The following CACNA2D3 variants were observed in gnomAD, a reference collection of about 807,000 sequenced individuals.
CACNA2D3 encodes calcium voltage-gated channel auxiliary subunit alpha2delta 3.
A neutral mutation model predicts 160.6 loss-of-function variants in CACNA2D3; 60 were observed. The ratio of observed to expected loss-of-function variants is 0.37; its 90% CI spans 0.30 to 0.46. The LOEUF is 0.46. CACNA2D3 is among the 20% of genes least tolerant of loss of function. CACNA2D3 has a pLI of 1.00. For synonymous variants in CACNA2D3, 558 were observed against 492.9 expected (o/e 1.13, Z -1.75); for missense variants, 1,205 against 1,365.0 (o/e 0.88, Z 1.85).
chr3:54,230,819 T>C (rs1196871683), intron 2 of CACNA2D3, among the ~76,000 whole-genome samples: 1 of 152,256 alleles, frequency 6.6e-6, no homozygotes, highest in Non-Finnish European at 1.5e-5. Flanking sequence ...GAATTACAAA[T>C]GCTAATTTGT....
At chr3:54,488,587 AG>A (rs1300680023) in intron 4 of CACNA2D3, among the ~76,000 whole-genome samples, 3 of 152,030 alleles carry the variant, frequency 2.0e-5, no homozygotes, top group Non-Finnish European at 4.4e-5. Context: ...GGCTGCCCTT[AG>A]CCCCTCTGAG....
At chr3:54,175,951 ACTTTAGT>A (rs1199114235) in intron 2 of CACNA2D3, among the ~76,000 whole-genome samples, 1 of 152,180 alleles carries the variant, frequency 6.6e-6, no homozygotes, top group African/African-American at 2.4e-5. Flanking sequence ...GTGTTGGCAG[ACTTTAGT>A]CTTCCTTCCT....
At chr3:54,975,593 C>T (rs1372605771) in intron 29 of CACNA2D3, among the ~76,000 whole-genome samples, 2 of 151,474 alleles carry the variant, frequency 1.3e-5, no homozygotes, top group Non-Finnish European at 2.9e-5. Context: ...GCATGTTGTC[C>T]TTCAGGATCC....
At chr3:54,708,225 G>A (rs1399327128) in intron 11 of CACNA2D3, among the ~76,000 whole-genome samples, 2 of 152,136 alleles carry the variant, frequency 1.3e-5, no homozygotes, top group Admixed American at 6.5e-5. Flanking sequence ...TAATTCACTG[G>A]TCTTTAATCT....
chr3:54,816,226 G>T (rs1489039491), intron 13 of CACNA2D3, among the ~76,000 whole-genome samples: 1 of 152,148 alleles, frequency 6.6e-6, no homozygotes, highest in African/African-American at 2.4e-5. Flanking sequence ...AACAGTTAAT[G>T]TGCTACAAAG....
intron 5 of CACNA2D3, among the ~76,000 whole-genome samples, chr3:54,513,512 A>C (rs993202818): frequency 1.3e-5 from 2 of 152,212 alleles, no homozygotes; most frequent in Admixed American, 6.5e-5. Flanking sequence ...ACTGAGGCTT[A>C]GAGACTTGCT....
At position 55,057,732 on chromosome 3, in the gene CACNA2D3, T is replaced by C. The variant is rs1485662998; in HGVS notation, c.2988-15713T>C. On this transcript the variant is annotated intron_variant, in intron 35 of 37. Coordinates refer to ENST00000474759, the MANE Select transcript of CACNA2D3 (RefSeq NM_018398.3). Reference sequence around the variant, plus strand: ...CATTAACTTCTGAACCAGTTGGCTTTCTGGCATACCCTGTTATCTCCCACC... The same window carrying C: ...CATTAACTTCTGAACCAGTTGGCTTCCTGGCATACCCTGTTATCTCCCACC... Among the ~76,000 whole-genome samples the C allele has an allele frequency of 1.1e-4, 17 of 152,332 alleles. No homozygotes were observed. In the South Asian group the frequency reaches 3.5e-3, roughly 32 times the overall value.
At chr3:54,960,742 A>G (rs534449532) in intron 27 of CACNA2D3, among the ~76,000 whole-genome samples, 6 of 152,280 alleles carry the variant, frequency 3.9e-5, no homozygotes, top group Non-Finnish European at 7.3e-5. Context: ...TTTTGCCCAA[A>G]TTAGTCCCAG....
At chr3:54,236,575 T>C (rs753806703) in intron 2 of CACNA2D3, among the ~76,000 whole-genome samples, 1 of 152,038 alleles carries the variant, frequency 6.6e-6, no homozygotes, top group Non-Finnish European at 1.5e-5. Context: ...TGGATGAAGA[T>C]TGAGGGGTGG....
chr3:54,789,943 C>T (rs1175081665), intron 13 of CACNA2D3: 1 of 473,136 alleles, frequency 2.1e-6, no homozygotes, highest in Non-Finnish European at 4.3e-6. Context: ...CCTCTGTGTT[C>T]TCCCAAAGAA....
chr3:54,343,779 T>A (rs1041341385), intron 3 of CACNA2D3, among the ~76,000 whole-genome samples: 5 of 152,156 alleles, frequency 3.3e-5, no homozygotes, highest in Non-Finnish European at 7.4e-5. Context: ...AGAGAAGCCT[T>A]GAGCCAGAGT....
chr3:54,732,521 TAAATA>T (rs562662111), intron 11 of CACNA2D3, among the ~76,000 whole-genome samples: 16 of 152,344 alleles, frequency 1.1e-4, no homozygotes, highest in African/African-American at 3.6e-4. Flanking sequence ...TGGAGACATT[TAAATA>T]AAATCTCTTC....
At chr3:54,564,846 A>C (rs948219380) in intron 6 of CACNA2D3, among the ~76,000 whole-genome samples, 12 of 152,212 alleles carry the variant, frequency 7.9e-5, no homozygotes, top group Non-Finnish European at 1.5e-4. Context: ...TCCAGCAAGA[A>C]GCACACTTAC....
At chr3:54,778,817 A>T (rs971138736) in intron 13 of CACNA2D3, among the ~76,000 whole-genome samples, 1 of 152,152 alleles carries the variant, frequency 6.6e-6, no homozygotes, top group Admixed American at 6.6e-5. Context: ...CTTCTCCAAC[A>T]TTTCACTCAG....
intron 13 of CACNA2D3, among the ~76,000 whole-genome samples, chr3:54,795,628 TC>T (rs1702852607): frequency 6.6e-6 from 1 of 152,192 alleles, no homozygotes; most frequent in African/African-American, 2.4e-5. Flanking sequence ...TATCTTTCAC[TC>T]TAAGGCAACC....
chr3:54,723,229 C>T (rs535837358), intron 11 of CACNA2D3, among the ~76,000 whole-genome samples: 10 of 152,318 alleles, frequency 6.6e-5, no homozygotes, highest in South Asian at 2.1e-4. Context: ...CAATGGCGGA[C>T]GTCCCTCCTC....
chr3:54,219,607 T>G (rs1273571238), intron 2 of CACNA2D3, among the ~76,000 whole-genome samples: 4 of 152,168 alleles, frequency 2.6e-5, no homozygotes. Flanking sequence ...TACAATCTTT[T>G]TTTTCTTCTC....
chr3:54,581,280 A>G (rs1490191020), intron 8 of CACNA2D3, among the ~76,000 whole-genome samples: 5 of 152,138 alleles, frequency 3.3e-5, no homozygotes, highest in African/African-American at 1.2e-4. Context: ...GGTGTTGGCA[A>G]TGTATGGGAA....
intron 10 of CACNA2D3, chr3:54,639,920 A>G (rs977469939): frequency 6.6e-6 from 1 of 151,486 alleles, no homozygotes; most frequent in Non-Finnish European, 1.5e-5. Context: ...ATTACAGTCA[A>G]AGGGGGTTTG....
Sources: gnomAD v4.1 joint callset for allele counts (sites outside exome capture counted in the v4.1 genomes callset) on GRCh38, gnomAD v4.1.1 for gene constraint, MANE v1.5 for transcripts, NCBI Gene and HGNC (gene_info 2026-07-23, HGNC 2026-07-21) for gene names.